Variants in PKNOX2 observed in about 807,000 individuals in gnomAD.
The protein encoded by PKNOX2 is homeobox protein PKNOX2.
Under a neutral mutation model 53.1 loss-of-function variants are expected in PKNOX2, and 14 were observed. The observed-to-expected ratio is 0.26, with a 90% confidence interval of 0.17 to 0.41. PKNOX2 has a LOEUF of 0.41. PKNOX2 is among the 10% of genes least tolerant of loss of function. The probability of loss-of-function intolerance (pLI) is 1.00; values close to 1 mark genes in which losing one functional copy is unlikely to be tolerated. For synonymous variants in PKNOX2, 257 were observed against 242.8 expected (o/e 1.06, Z -0.54); for missense variants, 496 against 602.8 (o/e 0.82, Z 1.85).
chr11:125,366,382 T>G (rs1952191684), intron 4 of PKNOX2, among the ~76,000 whole-genome samples: 1 of 152,220 alleles, frequency 6.6e-6, no homozygotes, highest in Non-Finnish European at 1.5e-5. Flanking sequence ...TACATTTCTT[T>G]TATAGTCTCA....
chr11:125,180,917 T>C (rs558769610), intron 1 of PKNOX2, among the ~76,000 whole-genome samples: 1 of 152,362 alleles, frequency 6.6e-6, no homozygotes, highest in East Asian at 1.9e-4. Context: ...TATTTAGCTC[T>C]GACTTGGTAG....
chr11:125,316,653 C>T (rs1480119634), intron 2 of PKNOX2, among the ~76,000 whole-genome samples: 1 of 152,134 alleles, frequency 6.6e-6, no homozygotes, highest in Non-Finnish European at 1.5e-5. Flanking sequence ...AGCATTATGC[C>T]TTAAAAAACA....
chr11:125,221,375 C>T (rs1462713404), intron 1 of PKNOX2, among the ~76,000 whole-genome samples: 1 of 152,050 alleles, frequency 6.6e-6, no homozygotes, highest in Non-Finnish European at 1.5e-5. Context: ...GTGTGGCATC[C>T]ATGTGATAAG....
intron 2 of PKNOX2, among the ~76,000 whole-genome samples, chr11:125,284,620 CTA>C (rs1420809030): frequency 2.0e-5 from 3 of 152,118 alleles, no homozygotes; most frequent in South Asian, 4.2e-4. Context: ...TAATGATGGT[CTA>C]ATCACCGTCC....
chr11:125,270,347 A>G (rs1338791224), intron 2 of PKNOX2, among the ~76,000 whole-genome samples: 1 of 152,152 alleles, frequency 6.6e-6, no homozygotes, highest in Non-Finnish European at 1.5e-5. Flanking sequence ...GGGAGACTGC[A>G]GGTCCTGCCA....
In PKNOX2 at chr11:125,173,741, C is replaced by T. The variant is rs990951535; in HGVS notation, c.-201+8965C>T. On this transcript the variant is annotated intron_variant, in intron 1 of 12. Coordinates refer to ENST00000298282, the MANE Select transcript of PKNOX2 (RefSeq NM_001382323.2). Reference sequence around the variant, plus strand: ...TGGGGGCAGCGAGGCTGCAGTGTGGCCTTGGTCTGCCAGCCCAGGTGTAAG... The same window carrying T: ...TGGGGGCAGCGAGGCTGCAGTGTGGTCTTGGTCTGCCAGCCCAGGTGTAAG... Among the ~76,000 whole-genome samples, 6 of 152,312 alleles carry T rather than the reference C, an allele frequency of 3.9e-5. No individual in the cohort carries two copies. The East Asian group carries it at 1.2e-3, about 29-fold the overall frequency.
At chr11:125,234,337 C>G (rs1942488355) in intron 1 of PKNOX2, among the ~76,000 whole-genome samples, 2 of 152,192 alleles carry the variant, frequency 1.3e-5, no homozygotes, top group African/African-American at 4.8e-5. Flanking sequence ...TATAACAGGA[C>G]AGCATGTGTA....
intron 2 of PKNOX2, among the ~76,000 whole-genome samples, chr11:125,257,986 A>T (rs1433116199): frequency 1.3e-5 from 2 of 152,120 alleles, no homozygotes; most frequent in Non-Finnish European, 2.9e-5. Context: ...AGGGCACCTG[A>T]GCTTGCAGAA....
At chr11:125,224,967 C>T (rs1417846355) in intron 1 of PKNOX2, among the ~76,000 whole-genome samples, 1 of 152,244 alleles carries the variant, frequency 6.6e-6, no homozygotes, top group African/African-American at 2.4e-5. Flanking sequence ...CTCCCTCCCC[C>T]AGGGTCTGGG....
chr11:125,178,330 G>A (rs1955843492), intron 1 of PKNOX2, among the ~76,000 whole-genome samples: 1 of 151,722 alleles, frequency 6.6e-6, no homozygotes, highest in Non-Finnish European at 1.5e-5. Context: ...TGACCAACAA[G>A]GAGAAATCCC....
At chr11:125,259,293 C>T (rs183325228) in intron 2 of PKNOX2, among the ~76,000 whole-genome samples, 96 of 152,176 alleles carry the variant, frequency 6.3e-4, no homozygotes, top group Non-Finnish European at 9.4e-4. Flanking sequence ...TCATTTAAGA[C>T]GCATGTTAGA....
At chr11:125,368,040 A>G (rs897438281) in intron 5 of PKNOX2, 55 bp downstream of exon 5, 4 of 1,566,264 alleles carry the variant, frequency 2.6e-6, no homozygotes, top group African/African-American at 2.8e-5. Flanking sequence ...GGCCCAGCTC[A>G]GCTGTGAGGG....
chr11:125,357,142 C>T (rs1430095523), intron 4 of PKNOX2, among the ~76,000 whole-genome samples: 6 of 152,244 alleles, frequency 3.9e-5, no homozygotes, highest in African/African-American at 1.4e-4. Flanking sequence ...CTTCGACTCA[C>T]CAAAACAGAC....
At chr11:125,355,124 A>G (rs1273589975) in intron 4 of PKNOX2, among the ~76,000 whole-genome samples, 1 of 152,038 alleles carries the variant, frequency 6.6e-6, no homozygotes, top group East Asian at 1.9e-4. Flanking sequence ...AAAAGTAGCC[A>G]GACATGGTGG....
At position 125,269,816 on chromosome 11, in the gene PKNOX2, C is replaced by T. The variant is rs377597563; in HGVS notation, c.-130+34701C>T. On this transcript the variant is annotated intron_variant, in intron 2 of 12. Transcript: ENST00000298282. Reference sequence around the variant, plus strand: ...GACATTTGGTACATCCTCACGGGGTCGGGGGCGGTTGTCCTTGGACTTTTG... The same window carrying T: ...GACATTTGGTACATCCTCACGGGGTTGGGGGCGGTTGTCCTTGGACTTTTG... Among the ~76,000 whole-genome samples the T allele has an allele frequency of 4.6e-5, 7 of 152,224 alleles. No individual in the cohort carries two copies. In the East Asian group the frequency reaches 5.8e-4, roughly 13 times the overall value.
At chr11:125,402,682 T>C (rs1429207579) in intron 7 of PKNOX2, among the ~76,000 whole-genome samples, 1 of 151,612 alleles carries the variant, frequency 6.6e-6, no homozygotes. Flanking sequence ...GGGTCAAGAG[T>C]ACAGAGGAAA....
Position 125,409,989 on chromosome 11 carries a change from CT to C in PKNOX2, c.589-202del. On this transcript the variant is annotated intron_variant, in intron 7 of 12. Coordinates refer to ENST00000298282, the MANE Select transcript of PKNOX2 (RefSeq NM_001382323.2). The stretch of plus-strand genomic sequence containing the variant: ...CAATGGAATGGTTAAATGGGTGACT[CT>C]TTTTGTTTTTGTTTTTTTTAATTGA... The C allele has an allele frequency of 6.5e-6, 4 of 618,208 alleles. No individual in the cohort carries two copies. The South Asian group carries it at 8.3e-5, about 13-fold the overall frequency. The allele number at this position is 618,208 out of a possible 1,614,324, so 38.3% of individuals were successfully genotyped here. A position where few individuals can be genotyped will look rare whatever the true frequency, so the allele number is the denominator to read the frequency against.
intron 2 of PKNOX2, among the ~76,000 whole-genome samples, chr11:125,248,894 A>AATATATATAATGT (rs1943774424): frequency 3.3e-5 from 4 of 120,648 alleles, no homozygotes; most frequent in African/African-American, 1.2e-4. Flanking sequence ...TAACATATAT[A>AATATATATAATGT]ATATATATAA....
At chr11:125,172,052 T>A (rs1337586934) in intron 1 of PKNOX2, among the ~76,000 whole-genome samples, 2 of 152,070 alleles carry the variant, frequency 1.3e-5, no homozygotes, top group Non-Finnish European at 2.9e-5. Context: ...TGCAGAGTGT[T>A]AGAGGAGGAC....
Sources: allele counts gnomAD v4.1 joint callset (sites outside exome capture counted in the v4.1 genomes callset), GRCh38; gene constraint gnomAD v4.1.1; transcripts MANE v1.5; gene names NCBI Gene and HGNC (gene_info 2026-07-23, HGNC 2026-07-21).